Variants in PRORP observed in about 807,000 individuals in gnomAD.
PRORP encodes protein only RNase P catalytic subunit.
In PRORP, 51 loss-of-function variants were observed where a neutral mutation model predicts 59.4. The observed-to-expected ratio is 0.86, with a 90% CI of 0.69 to 1.08. The LOEUF (loss-of-function observed/expected upper bound fraction) is 1.08, where lower values mean the gene tolerates loss of function less well. PRORP is among the 50% of genes least tolerant of loss of function. The probability of loss-of-function intolerance (pLI) is 0.00; values close to 1 mark genes in which losing one functional copy is unlikely to be tolerated. For synonymous variants in PRORP, 231 were observed against 245.6 expected, an observed-to-expected ratio of 0.94 and a Z score of 0.55; for missense variants, 646 against 690.3, an observed-to-expected ratio of 0.94 and a Z score of 0.72.
intron 4 of PRORP, among the ~76,000 whole-genome samples, chr14:35,173,995 G>A (rs2048382774): frequency 1.3e-5 from 2 of 152,114 alleles, no homozygotes; most frequent in South Asian, 2.1e-4. Context: ...GCATTCTCAG[G>A]ATGGCTGGTT....
At chr14:35,225,812 C>A (rs990013787) in intron 5 of PRORP, among the ~76,000 whole-genome samples, 26 of 152,006 alleles carry the variant, frequency 1.7e-4, no homozygotes, top group Non-Finnish European at 3.4e-4. Flanking sequence ...TTTGTGAGGC[C>A]AAGACAGGCA....
In PRORP at chr14:35,180,652, CTG is replaced by C; in HGVS notation, c.1168-17_1168-16del. On this transcript the variant is annotated splice_polypyrimidine_tract_variant and intron_variant, in intron 4 of 7. Transcript: ENST00000534898. ...TACTGAGTTCTTATTAATGTTTTGTCTGACATTTCTTTATTAGGAACTTAAGA... is the reference window on the plus strand; with the variant it reads ...TACTGAGTTCTTATTAATGTTTTGTCACATTTCTTTATTAGGAACTTAAGA... 6.8e-7 allele frequency: 1 copy of C among 1,478,220 alleles called. No homozygotes were observed. The highest frequency in any genetic ancestry group is 9.4e-7 in the Non-Finnish European group (1 of 1,060,480). 91.6% of individuals were successfully genotyped at this position (1,478,220 alleles called of 1,614,324 possible).
intron 5 of PRORP, among the ~76,000 whole-genome samples, chr14:35,248,857 T>C (rs10149412): frequency 0.052 from 7,936 of 152,314 alleles, 321 homozygotes; most frequent in African/African-American, 0.11. Flanking sequence ...TTAAACTGGG[T>C]ATTAGCTAAC....
chr14:35,230,759 T>G (rs1451706345), intron 5 of PRORP, among the ~76,000 whole-genome samples: 1 of 152,164 alleles, frequency 6.6e-6, no homozygotes, highest in Non-Finnish European at 1.5e-5. Flanking sequence ...CAACACACTT[T>G]TCTTCCAAGT....
chr14:35,191,010 A>G (rs1027933902), intron 5 of PRORP, among the ~76,000 whole-genome samples: 5 of 152,132 alleles, frequency 3.3e-5, no homozygotes, highest in Non-Finnish European at 5.9e-5. Flanking sequence ...ATGAACAACC[A>G]TTTCCCAACA....
At chr14:35,227,143 T>C (rs993805941) in intron 5 of PRORP, among the ~76,000 whole-genome samples, 6 of 151,902 alleles carry the variant, frequency 3.9e-5, no homozygotes, top group Non-Finnish European at 5.9e-5. Flanking sequence ...TTCCACTTAT[T>C]TTCCTTAAAA....
chr14:35,230,777 T>A (rs2050057306), intron 5 of PRORP, among the ~76,000 whole-genome samples: 1 of 152,168 alleles, frequency 6.6e-6, no homozygotes, highest in Non-Finnish European at 1.5e-5. Flanking sequence ...AGTCTGCTGG[T>A]CTCAAACTCC....
intron 5 of PRORP, chr14:35,222,409 TA>T (rs1156939320): frequency 2.0e-5 from 3 of 152,126 alleles, no homozygotes; most frequent in Admixed American, 1.3e-4. Context: ...CCATATTCAA[TA>T]AAAACAACAG....
upstream of PRORP, chr14:35,121,989 T>G (rs756191114): frequency 4.3e-6 from 7 of 1,613,978 alleles, no homozygotes; most frequent in South Asian, 4.4e-5. Flanking sequence ...GCTTCTGCAT[T>G]TGCTGTTTCC....
chr14:35,172,902 C>G (rs1033547539), intron 4 of PRORP, among the ~76,000 whole-genome samples: 11 of 142,816 alleles, frequency 7.7e-5, no homozygotes, highest in African/African-American at 2.6e-4. Context: ...GAGTTTCTCT[C>G]TGTTGCCCAG....
intron 4 of PRORP, among the ~76,000 whole-genome samples, chr14:35,133,555 G>A (rs1435168736): frequency 6.6e-6 from 1 of 152,056 alleles, no homozygotes; most frequent in African/African-American, 2.4e-5. Context: ...TTCCTGGATG[G>A]TCTTGATACC....
At chr14:35,204,099 G>A (rs554895699) in intron 5 of PRORP, among the ~76,000 whole-genome samples, 1 of 152,300 alleles carries the variant, frequency 6.6e-6, no homozygotes, top group South Asian at 2.1e-4. Flanking sequence ...ACTTCCTGTG[G>A]AGGAACACTT....
intron 5 of PRORP, among the ~76,000 whole-genome samples, chr14:35,212,409 T>G (rs2049472080): frequency 6.6e-6 from 1 of 152,226 alleles, no homozygotes; most frequent in South Asian, 2.1e-4. Flanking sequence ...AGCTATAGCC[T>G]TATGAAATGT....
chr14:35,230,624 G>A (rs1401498097), intron 5 of PRORP, among the ~76,000 whole-genome samples: 2 of 152,138 alleles, frequency 1.3e-5, no homozygotes, highest in African/African-American at 2.4e-5. Context: ...GACATAGTCC[G>A]TACTCTCAGA....
chr14:35,158,723 G>C, intron 4 of PRORP: 1 of 388,286 alleles, frequency 2.6e-6, no homozygotes, highest in Non-Finnish European at 5.1e-6. Context: ...ATTATCTACT[G>C]CATCTCCAAA....
intron 6 of PRORP, among the ~76,000 whole-genome samples, chr14:35,269,883 C>T (rs1326049985): frequency 6.6e-6 from 1 of 152,120 alleles, no homozygotes; most frequent in African/African-American, 2.4e-5. Context: ...GTCACTGGCT[C>T]TTACCAAAGA....
At chr14:35,263,559 G>A (rs1346657088) in intron 5 of PRORP, among the ~76,000 whole-genome samples, 3 of 152,064 alleles carry the variant, frequency 2.0e-5, no homozygotes, top group Non-Finnish European at 2.9e-5. Flanking sequence ...TGGGTGGCAG[G>A]TGCCTGTAAT....
chr14:35,174,369 C>A (rs1301673260), intron 4 of PRORP, among the ~76,000 whole-genome samples: 1 of 152,064 alleles, frequency 6.6e-6, no homozygotes, highest in African/African-American at 2.4e-5. Flanking sequence ...ACTCCCTCCC[C>A]TATTTTTTTC....
At chr14:35,130,223 G>A (rs1020859780) in intron 4 of PRORP, among the ~76,000 whole-genome samples, 1 of 151,278 alleles carries the variant, frequency 6.6e-6, no homozygotes, top group Non-Finnish European at 1.5e-5. Context: ...TAGTTGAGAC[G>A]GGGCTTCACC....
Sources: gnomAD v4.1 joint callset for allele counts (sites outside exome capture counted in the v4.1 genomes callset) on GRCh38, gnomAD v4.1.1 for gene constraint, MANE v1.5 for transcripts, NCBI Gene and HGNC (gene_info 2026-07-23, HGNC 2026-07-21) for gene names.